Variants in HEATR5A observed in about 807,000 individuals in gnomAD.
The protein encoded by HEATR5A is HEAT repeat-containing protein 5A.
In HEATR5A, 178 loss-of-function variants were observed where a neutral mutation model predicts 218.8. That is an observed-to-expected ratio of 0.81 (90% CI 0.72 to 0.92). HEATR5A has a LOEUF of 0.92. Ranked by LOEUF, HEATR5A falls within the 40% of genes least tolerant of loss-of-function variation. The probability of loss-of-function intolerance (pLI) is 0.00; values close to 1 mark genes in which losing one functional copy is unlikely to be tolerated. For synonymous variants in HEATR5A, 864 were observed against 871.6 expected (o/e 0.99, Z 0.15); for missense variants, 2,420 against 2,418.9 (o/e 1.00, Z -0.01).
intron 21 of HEATR5A, 103 bp downstream of exon 21, chr14:31,343,793 C>T (rs1766457243): frequency 2.1e-6 from 2 of 955,050 alleles, no homozygotes; most frequent in Non-Finnish European, 2.9e-6. Context: ...GTATATAACA[C>T]ATAACTTTGT....
chr14:31,370,087 A>G (rs1208412899), intron 13 of HEATR5A, among the ~76,000 whole-genome samples: 1 of 151,718 alleles, frequency 6.6e-6, no homozygotes, highest in Non-Finnish European at 1.5e-5. Context: ...TTAGCCAGGC[A>G]TGGTGGTGGG....
At chr14:31,351,986 T>G (rs1295398128) in intron 16 of HEATR5A, among the ~76,000 whole-genome samples, 9 of 152,164 alleles carry the variant, frequency 5.9e-5, no homozygotes, top group Non-Finnish European at 1.5e-5. Context: ...ATTCAACCAC[T>G]CTGCTACTGG....
At chr14:31,373,125 T>C (rs1483011382) in intron 12 of HEATR5A, among the ~76,000 whole-genome samples, 1 of 152,058 alleles carries the variant, frequency 6.6e-6, no homozygotes, top group African/African-American at 2.4e-5. Flanking sequence ...GTTCACCATG[T>C]TGTCCAGGCT....
rs1178909402 is a variant in HEATR5A at position 31,323,668 on chromosome 14, A to G, written c.3684T>C (p.Phe1228=). Residue 1228 remains phenylalanine, a synonymous_variant, in exon 24 of 36, where the codon TTT becomes TTC. Coordinates refer to ENST00000543095, the MANE Select transcript of HEATR5A (RefSeq NM_015473.4). ...TTATCCTACAGACACATTCAGCAGCAAAGACTCTAGTAGCCCATCGGGGAT... is the reference window on the plus strand; with the variant it reads ...TTATCCTACAGACACATTCAGCAGCGAAGACTCTAGTAGCCCATCGGGGAT... ...FTNPRWATRV[F]AAECVCRIIN... The G allele has an allele frequency of 6.2e-7, 1 of 1,613,786 alleles. No individual in the cohort carries two copies. The highest frequency in any genetic ancestry group is 1.3e-5 in the African/African-American group (1 of 75,012).
intron 14 of HEATR5A, among the ~76,000 whole-genome samples, chr14:31,359,285 A>AGTGTGTGT (rs1901535212): frequency 7.3e-3 from 92 of 12,578 alleles, no homozygotes; most frequent in African/African-American, 0.013. Flanking sequence ...TCAAAGTGTA[A>AGTGTGTGT]GAGTGTGTGT....
intron 33 of HEATR5A, among the ~76,000 whole-genome samples, chr14:31,300,194 T>C (rs939559842): frequency 3.9e-5 from 6 of 152,144 alleles, no homozygotes; most frequent in Non-Finnish European, 7.4e-5. Context: ...TCCATCCAAA[T>C]CCACACCCCC....
At position 31,371,871 on chromosome 14, in the gene HEATR5A, T is replaced by C. The variant is rs747609967; in HGVS notation, c.1900A>G (p.Thr634Ala). 9.7e-6 allele frequency: 15 copies of C among 1,552,420 alleles called. No individual in the cohort carries two copies. The South Asian group carries it at 1.4e-4, about 15-fold the overall frequency. ...AGAAGACGCTGAGTTACTTCCTCAG[T>C]AAGAAGATCACCACAGTGGGAAACA... ...SFVSHCGDLL[T>A]EEVTQRLLPP... The change falls in exon 13 of 36, where the codon ACT becomes GCT. Residue 634 changes from threonine to alanine, a missense_variant. Transcript: ENST00000543095.
At chr14:31,332,985 CAAA>C (rs34966796) in intron 22 of HEATR5A, among the ~76,000 whole-genome samples, 7 of 128,478 alleles carry the variant, frequency 5.4e-5, no homozygotes, top group East Asian at 2.4e-4. Context: ...GACTCCATCT[CAAA>C]AAAAAAAAAA....
chr14:31,353,944 C>A (rs993809280), intron 16 of HEATR5A, among the ~76,000 whole-genome samples: 2 of 151,884 alleles, frequency 1.3e-5, no homozygotes, highest in African/African-American at 4.8e-5. Context: ...GGACTACAGG[C>A]GCCCACACTA....
intron 11 of HEATR5A, among the ~76,000 whole-genome samples, chr14:31,379,615 T>C (rs1006752255): frequency 2.0e-5 from 3 of 152,114 alleles, no homozygotes; most frequent in Admixed American, 2.0e-4. Context: ...ATAGGTGTGA[T>C]AGAGTAATAA....
intron 10 of HEATR5A, 28 bp from the exon 11 acceptor site, chr14:31,380,606 A>G: frequency 7.1e-7 from 1 of 1,408,020 alleles, no homozygotes; most frequent in Non-Finnish European, 9.8e-7. Context: ...AAGTTTTAAA[A>G]AAAGCATATC....
At chr14:31,358,282 T>G (rs1261040349) in intron 16 of HEATR5A, among the ~76,000 whole-genome samples, 1 of 152,112 alleles carries the variant, frequency 6.6e-6, no homozygotes, top group Non-Finnish European at 1.5e-5. Flanking sequence ...CTTTAATGGT[T>G]CCAAAAAATT....
At chr14:31,417,714 C>A (rs1044097323) in intron 1 of HEATR5A, among the ~76,000 whole-genome samples, 1 of 150,752 alleles carries the variant, frequency 6.6e-6, no homozygotes, top group Non-Finnish European at 1.5e-5. Context: ...GGCGCTACTG[C>A]ACTCCAGCCT....
chr14:31,305,528 G>A (rs1178899940), intron 31 of HEATR5A, among the ~76,000 whole-genome samples: 1 of 152,124 alleles, frequency 6.6e-6, no homozygotes, highest in Non-Finnish European at 1.5e-5. Context: ...CTCCCAAAGT[G>A]CCAGGATTAC....
chr14:31,337,671 G>A (rs1900712433), intron 21 of HEATR5A, 57 bp from the exon 22 acceptor site: 2 of 1,475,196 alleles, frequency 1.4e-6, no homozygotes, highest in Non-Finnish European at 1.9e-6. Context: ...CACTCAGTGA[G>A]TCTAATAGAT....
chr14:31,344,265 A>ATTTTTTTTTTTT (rs1245011736), intron 20 of HEATR5A, among the ~76,000 whole-genome samples, 200 bp from the exon 21 acceptor site: 5 of 54,922 alleles, frequency 9.1e-5, no homozygotes, highest in South Asian at 5.7e-4. Flanking sequence ...TAGATTAGTT[A>ATTTTTTTTTTTT]TTCTTTTTTT....
chr14:31,346,813 G>A (rs1901037262), intron 19 of HEATR5A, among the ~76,000 whole-genome samples: 1 of 152,152 alleles, frequency 6.6e-6, no homozygotes, highest in Non-Finnish European at 1.5e-5. Context: ...CAGTAATTTG[G>A]CACACATTAA....
At chr14:31,293,682 G>A in intron 35 of HEATR5A, 70 bp from the exon 36 acceptor site, 12 of 1,367,132 alleles carry the variant, frequency 8.8e-6, no homozygotes, top group Non-Finnish European at 1.2e-5. Flanking sequence ...AAATGCACTT[G>A]ATCTGTATAC....
intron 11 of HEATR5A, among the ~76,000 whole-genome samples, chr14:31,378,744 C>T (rs140286547): frequency 0.018 from 2,534 of 142,904 alleles, 71 homozygotes; most frequent in African/African-American, 0.061. Context: ...GCCGAGATCG[C>T]GCCACTGCAC....
Sources: gnomAD v4.1 joint callset for allele counts (sites outside exome capture counted in the v4.1 genomes callset) on GRCh38, gnomAD v4.1.1 for gene constraint, MANE v1.5 for transcripts, NCBI Gene and HGNC (gene_info 2026-07-23, HGNC 2026-07-21) for gene names.